Variants in MTAP observed in about 807,000 individuals in gnomAD.
The protein encoded by MTAP is S-methyl-5'-thioadenosine phosphorylase.
MTAP carries 33 observed loss-of-function variants against 33.6 expected under a neutral mutation model. That is an observed-to-expected ratio of 0.98 (90% CI 0.74 to 1.31). The LOEUF (loss-of-function observed/expected upper bound fraction) is 1.31, where lower values mean the gene tolerates loss of function less well. MTAP is among the 40% of genes most tolerant of loss of function. MTAP has a pLI of 0.00. For missense variants in MTAP, 367 were observed against 360.0 expected (o/e 1.02, Z -0.16); for synonymous variants, 148 against 125.7 (o/e 1.18, Z -1.19).
chr9:21,833,023 A>C (rs766241772), intron 4 of MTAP, among the ~76,000 whole-genome samples: 1 of 152,190 alleles, frequency 6.6e-6, no homozygotes, highest in Non-Finnish European at 1.5e-5. Flanking sequence ...TATAATAGAA[A>C]ATAAGGGGAA....
rs1266570704 is a variant in MTAP, at chr9:21,929,616, A to G, written c.148-1392A>G. On this transcript the variant is annotated intron_variant, in intron 1 of 1. Transcript: ENST00000577563. ...GTACTAGCTCTTCCTCTAAAACACC[A>G]GGGAGAGCTTATCCAGCCTGTACCA... 7 of 326,394 alleles carry G rather than the reference A, an allele frequency of 2.1e-5. No homozygotes were observed. The East Asian group carries it at 4.0e-4, about 19-fold the overall frequency. 20.2% of individuals were successfully genotyped at this position (326,394 alleles called of 1,614,324 possible).
chr9:21,856,103 T>G (rs533381039), intron 6 of MTAP: 1 of 943,012 alleles, frequency 1.1e-6, no homozygotes, highest in Admixed American at 6.2e-5. Flanking sequence ...CTTGTGTTAC[T>G]TGAATAAACT....
chr9:21,861,016 C>G (rs1184461562), intron 7 of MTAP: 1 of 152,174 alleles, frequency 6.6e-6, no homozygotes, highest in Non-Finnish European at 1.5e-5. Context: ...CCCGCTTTGG[C>G]CTCCCAAAGT....
At chr9:21,846,267 A>G (rs960857091) in intron 5 of MTAP, among the ~76,000 whole-genome samples, 1 of 152,230 alleles carries the variant, frequency 6.6e-6, no homozygotes, top group Non-Finnish European at 1.5e-5. Context: ...GATGCAGCTT[A>G]ATTCATCTAA....
chr9:21,889,191 G>C (rs1182284512), intron 1 of MTAP, among the ~76,000 whole-genome samples: 1 of 150,560 alleles, frequency 6.6e-6, no homozygotes, highest in African/African-American at 2.4e-5. Flanking sequence ...TTTTTTCTTT[G>C]TCTTTGTCAG....
chr9:21,856,006 C>G, intron 6 of MTAP: 1 of 205,570 alleles, frequency 4.9e-6, no homozygotes, highest in Non-Finnish European at 8.6e-6. Context: ...TTGATCAAAT[C>G]AGAATCCCTT....
intron 1 of MTAP, among the ~76,000 whole-genome samples, chr9:21,804,699 A>G (rs1417452624): frequency 6.8e-6 from 1 of 148,110 alleles, no homozygotes; most frequent in Non-Finnish European, 1.5e-5. Context: ...ACCACATCCT[A>G]TTCCCAAATT....
downstream of MTAP, chr9:21,935,074 ATAT>A (rs1819021395): frequency 6.6e-6 from 1 of 152,138 alleles, no homozygotes; most frequent in African/African-American, 2.4e-5. Context: ...TAATAGGAAA[ATAT>A]TAATAATGAG....
At chr9:21,920,348 G>A (rs1373005415) in intron 1 of MTAP, among the ~76,000 whole-genome samples, 1 of 152,144 alleles carries the variant, frequency 6.6e-6, no homozygotes. Flanking sequence ...TTAGAGCAAT[G>A]AAAAGAGATT....
rs750086970 is a variant in MTAP at position 21,859,315 on chromosome 9, C to T, written c.703C>T (p.Arg235Trp). ...KEHEEAVSVD[R>W]VLKTLKENAN... ...ATTGTTTCTCTAGGTTTCGGTGGAC[C>T]GGGTCTTAAAGACCCTGAAAGAAAA... The change falls in exon 7 of 8, where the codon CGG becomes TGG. Residue 235 changes from arginine (R) to tryptophan (W), a missense_variant. Transcript: ENST00000644715. 1.2e-5 allele frequency: 19 copies of T among 1,609,188 alleles called. No homozygotes were observed. The highest frequency in any genetic ancestry group is 8.9e-5 in the East Asian group (4 of 44,722).
chr9:21,899,157 C>G (rs1467443904), intron 1 of MTAP, among the ~76,000 whole-genome samples: 1 of 144,706 alleles, frequency 6.9e-6, no homozygotes, highest in Non-Finnish European at 1.5e-5. Context: ...ACTGCATGTT[C>G]TCACTCATAG....
intron 6 of MTAP, among the ~76,000 whole-genome samples, chr9:21,856,779 G>T (rs932309692): frequency 1.3e-5 from 2 of 152,232 alleles, no homozygotes; most frequent in African/African-American, 2.4e-5. Context: ...TCAGCCAATC[G>T]TGTGTTGCAG....
At chr9:21,919,068 A>G (rs1454834364) in intron 1 of MTAP, among the ~76,000 whole-genome samples, 18 of 152,212 alleles carry the variant, frequency 1.2e-4, no homozygotes, top group Non-Finnish European at 7.3e-5. Flanking sequence ...TGAGCATTCA[A>G]TTTAGCAATA....
chr9:21,829,818 T>A (rs1240711459), intron 4 of MTAP, among the ~76,000 whole-genome samples: 2 of 152,238 alleles, frequency 1.3e-5, no homozygotes, highest in African/African-American at 2.4e-5. Flanking sequence ...TTTTTAGGGT[T>A]GTTTTTAGAA....
At chr9:21,830,019 G>A (rs899793910) in intron 4 of MTAP, among the ~76,000 whole-genome samples, 2 of 152,100 alleles carry the variant, frequency 1.3e-5, no homozygotes, top group African/African-American at 2.4e-5. Flanking sequence ...TGACTGCCCT[G>A]GAAAAAGAGG....
At chr9:21,807,043 A>G (rs1390092958) in intron 1 of MTAP, among the ~76,000 whole-genome samples, 1 of 152,148 alleles carries the variant, frequency 6.6e-6, no homozygotes, top group Non-Finnish European at 1.5e-5. Flanking sequence ...GCACGCATGT[A>G]ATCCCAGCTA....
chr9:21,897,776 G>A (rs906078090), intron 1 of MTAP, among the ~76,000 whole-genome samples: 1 of 152,164 alleles, frequency 6.6e-6, no homozygotes, highest in East Asian at 1.9e-4. Flanking sequence ...TGGATAGGAA[G>A]AATCAATATC....
chr9:21,869,696 T>A (rs1825908446), downstream of MTAP, among the ~76,000 whole-genome samples: 1 of 152,112 alleles, frequency 6.6e-6, no homozygotes, highest in Admixed American at 6.6e-5. Context: ...CCAGGAAAAA[T>A]TTATTTACCA....
intron 1 of MTAP, among the ~76,000 whole-genome samples, chr9:21,915,000 T>TTCCTTCC (rs1818653467): frequency 3.6e-5 from 3 of 83,738 alleles, no homozygotes; most frequent in African/African-American, 1.1e-4. Flanking sequence ...CTTTGTTTTC[T>TTCCTTCC]TTCCTTCCTT....
Sources: gnomAD v4.1 joint callset for allele counts (sites outside exome capture counted in the v4.1 genomes callset) on GRCh38, gnomAD v4.1.1 for gene constraint, MANE v1.5 for transcripts, NCBI Gene and HGNC (gene_info 2026-07-23, HGNC 2026-07-21) for gene names.